PLCB1: variants seen among roughly 807,000 people sequenced by gnomAD.
PLCB1 encodes phospholipase C beta 1.
PLCB1 carries 46 observed loss-of-function variants against 161.8 expected under a neutral mutation model. The observed-to-expected ratio is 0.28, with a 90% CI of 0.22 to 0.36. The LOEUF (loss-of-function observed/expected upper bound fraction) is 0.36. PLCB1 is among the 10% of genes least tolerant of loss of function. PLCB1 has a pLI of 1.00. For synonymous variants in PLCB1, 517 were observed against 503.7 expected (o/e 1.03, Z -0.35); for missense variants, 1,016 against 1,472.5 (o/e 0.69, Z 5.07).
chr20:8,363,958 A>G (rs1369836626), intron 2 of PLCB1, among the ~76,000 whole-genome samples: 1 of 152,234 alleles, frequency 6.6e-6, no homozygotes, highest in East Asian at 1.9e-4. Flanking sequence ...CTGGTTCTCC[A>G]TTATAAATAC....
At chr20:8,442,032 C>A (rs1980583030) in intron 3 of PLCB1, among the ~76,000 whole-genome samples, 1 of 152,036 alleles carries the variant, frequency 6.6e-6, no homozygotes. Context: ...ATGATTGAAT[C>A]TAGAATATAG....
chr20:8,759,359 T>C (rs1981898574), intron 24 of PLCB1, among the ~76,000 whole-genome samples: 1 of 152,212 alleles, frequency 6.6e-6, no homozygotes, highest in Admixed American at 6.5e-5. Context: ...CTCTTAGATA[T>C]ATTGGGAGAG....
intron 2 of PLCB1, among the ~76,000 whole-genome samples, chr20:8,358,622 A>G (rs774716975): frequency 2.0e-5 from 3 of 152,086 alleles, no homozygotes; most frequent in Non-Finnish European, 4.4e-5. Flanking sequence ...CTTTAGAAAT[A>G]TTTTTGATAT....
intron 2 of PLCB1, among the ~76,000 whole-genome samples, chr20:8,324,864 A>G (rs1160320901): frequency 6.6e-6 from 1 of 152,356 alleles, no homozygotes; most frequent in Admixed American, 6.5e-5. Context: ...AAACTAAGGC[A>G]GGGTGATTGC....
chr20:8,482,092 A>ATTTTTTTTTTTTTTTTTTTTTTTT (rs199634903), intron 3 of PLCB1, among the ~76,000 whole-genome samples: 3 of 104,882 alleles, frequency 2.9e-5, no homozygotes, highest in Non-Finnish European at 3.6e-5. Context: ...GCTTGAAGGA[A>ATTTTTTTTTTTTTTTTTTTTTTTT]TTTTTTTTTT....
At chr20:8,527,410 T>C (rs1984624875) in intron 3 of PLCB1, among the ~76,000 whole-genome samples, 1 of 152,048 alleles carries the variant, frequency 6.6e-6, no homozygotes, top group Admixed American at 6.6e-5. Context: ...ACAGCATGGA[T>C]TCAATAACTA....
At chr20:8,663,173 AAACATATATATAACATATATATAC>A (rs1038505543) in intron 9 of PLCB1, among the ~76,000 whole-genome samples, 44 of 151,906 alleles carry the variant, frequency 2.9e-4, no homozygotes, top group African/African-American at 1.0e-3. Context: ...AATAGAATAT[AAACATATATATAACATATATATAC>A]ACACAACATA....
intron 3 of PLCB1, among the ~76,000 whole-genome samples, chr20:8,377,787 A>G (rs1196106044): frequency 6.6e-6 from 1 of 152,192 alleles, no homozygotes; most frequent in African/African-American, 2.4e-5. Context: ...ACAGAAAAAA[A>G]TCCAGAATTT....
At chr20:8,257,484 ATAGT>A (rs1456239600) in intron 2 of PLCB1, among the ~76,000 whole-genome samples, 27 of 152,198 alleles carry the variant, frequency 1.8e-4, no homozygotes, top group Non-Finnish European at 2.8e-4. Flanking sequence ...ATATTACAAA[ATAGT>A]TAGGATGGCT....
intron 27 of PLCB1, among the ~76,000 whole-genome samples, chr20:8,781,070 C>A (rs1983195023): frequency 7.5e-6 from 1 of 133,584 alleles, no homozygotes; most frequent in Non-Finnish European, 1.7e-5. Context: ...TATGTGCTCT[C>A]CCAGCTATCT....
intron 3 of PLCB1, among the ~76,000 whole-genome samples, chr20:8,418,938 C>A (rs2070381408): frequency 1.3e-5 from 2 of 152,284 alleles, no homozygotes; most frequent in South Asian, 2.1e-4. Flanking sequence ...AGGTTTCTTA[C>A]AGTCCCAAGA....
At position 8,847,617 on chromosome 20, in the gene PLCB1, A is replaced by C. The variant is rs140569588; in HGVS notation, c.3424-34005A>C. Among the ~76,000 whole-genome samples, 549 of 152,298 alleles carry C rather than the reference A, an allele frequency of 3.6e-3. 4 individuals carry two copies. The highest frequency in any genetic ancestry group is 0.013 in the African/African-American group (523 of 41,558). On this transcript the variant is annotated intron_variant, in intron 31 of 31. Coordinates refer to ENST00000338037, the MANE Select transcript of PLCB1 (RefSeq NM_015192.4). The stretch of plus-strand genomic sequence containing the variant: ...GATTTAGGGCAGACCCCACAGCTTA[A>C]GTCCCACAAGACTGCCCCCACTTCA...
chr20:8,760,115 G>A (rs577547819), intron 24 of PLCB1, among the ~76,000 whole-genome samples: 1 of 152,088 alleles, frequency 6.6e-6, no homozygotes, highest in South Asian at 2.1e-4. Flanking sequence ...CATATTGCCA[G>A]GCTGGTCTTG....
intron 3 of PLCB1, among the ~76,000 whole-genome samples, chr20:8,500,599 GC>G (rs1983365025): frequency 2.0e-5 from 3 of 152,170 alleles, no homozygotes; most frequent in African/African-American, 4.8e-5. Context: ...CAGAATCAGT[GC>G]CATACCTGAG....
chr20:8,546,460 C>T (rs918190819), intron 3 of PLCB1, among the ~76,000 whole-genome samples: 1 of 151,802 alleles, frequency 6.6e-6, no homozygotes, highest in Non-Finnish European at 1.5e-5. Flanking sequence ...TAAGTTGGTT[C>T]CTAAGCTGTA....
At chr20:8,748,361 C>T (rs1389879609) in intron 23 of PLCB1, among the ~76,000 whole-genome samples, 1 of 152,080 alleles carries the variant, frequency 6.6e-6, no homozygotes, top group Non-Finnish European at 1.5e-5. Context: ...ATATCAACGG[C>T]CAATGAGTTG....
At chr20:8,416,328 G>A (rs1184724998) in intron 3 of PLCB1, among the ~76,000 whole-genome samples, 1 of 146,580 alleles carries the variant, frequency 6.8e-6, no homozygotes, top group African/African-American at 2.5e-5. Flanking sequence ...AGTTCTGGAT[G>A]GAGAGAAGAC....
intron 3 of PLCB1, among the ~76,000 whole-genome samples, chr20:8,386,011 C>T (rs1202197458): frequency 6.6e-6 from 1 of 152,232 alleles, no homozygotes; most frequent in East Asian, 1.9e-4. Flanking sequence ...AAAGCAGTCA[C>T]ACCTTTAGGT....
chr20:8,259,440 A>C (rs1981586174), intron 2 of PLCB1, among the ~76,000 whole-genome samples: 1 of 151,908 alleles, frequency 6.6e-6, no homozygotes, highest in African/African-American at 2.4e-5. Flanking sequence ...AACATGACAA[A>C]CCCTATCTCT....
Sources: allele counts gnomAD v4.1 joint callset (sites outside exome capture counted in the v4.1 genomes callset), GRCh38; gene constraint gnomAD v4.1.1; transcripts MANE v1.5; gene names NCBI Gene and HGNC (gene_info 2026-07-23, HGNC 2026-07-21).